ELF5: variants seen among roughly 807,000 people sequenced by gnomAD.
The protein encoded by ELF5 is ETS-related transcription factor Elf-5.
In ELF5, 31 loss-of-function variants were observed where a neutral mutation model predicts 38.2. That is an observed-to-expected ratio of 0.81 (90% CI 0.61 to 1.10). ELF5 has a LOEUF of 1.10. Among genes scored for constraint, ELF5 ranks in the 50% least tolerant of loss-of-function variants. ELF5 has a pLI of 0.00. For synonymous variants in ELF5, 121 were observed against 112.5 expected, an observed-to-expected ratio of 1.08 and a Z score of -0.48; for missense variants, 300 against 306.6, an observed-to-expected ratio of 0.98 and a Z score of 0.16.
At chr11:34,500,658 A>C (rs1289507285) in intron 2 of ELF5, among the ~76,000 whole-genome samples, 1 of 152,254 alleles carries the variant, frequency 6.6e-6, no homozygotes, top group Non-Finnish European at 1.5e-5. Flanking sequence ...GGTGGCCAAC[A>C]GTGAGTCCTC....
At chr11:34,494,924 T>G (rs755914117) in intron 2 of ELF5, among the ~76,000 whole-genome samples, 4 of 152,276 alleles carry the variant, frequency 2.6e-5, no homozygotes, top group Admixed American at 2.0e-4. Context: ...ATTTAAATGC[T>G]ATTACAAACA....
chr11:34,505,065 T>A (rs1850578037), intron 2 of ELF5, among the ~76,000 whole-genome samples: 1 of 152,196 alleles, frequency 6.6e-6, no homozygotes, highest in South Asian at 2.1e-4. Context: ...TGATATCAAT[T>A]ATAAGATGGG....
At chr11:34,511,305 T>C (rs751853052) in intron 1 of ELF5, among the ~76,000 whole-genome samples, 17 of 152,200 alleles carry the variant, frequency 1.1e-4, no homozygotes, top group Non-Finnish European at 2.4e-4. Flanking sequence ...TCTACCCCAG[T>C]TGGAGGTAGA....
intron 1 of ELF5, among the ~76,000 whole-genome samples, chr11:34,509,794 A>G (rs915028541): frequency 2.6e-5 from 4 of 152,296 alleles, no homozygotes; most frequent in African/African-American, 9.6e-5. Context: ...TCAGAAAACT[A>G]AAGAAGAGGA....
At chr11:34,511,011 C>T (rs1295036239) in intron 1 of ELF5, among the ~76,000 whole-genome samples, 3 of 152,110 alleles carry the variant, frequency 2.0e-5, no homozygotes, top group Non-Finnish European at 2.9e-5. Flanking sequence ...TTGCCCCTCT[C>T]CAAATCTCAG....
chr11:34,485,511 T>C (rs1441651275), intron 4 of ELF5, among the ~76,000 whole-genome samples: 1 of 152,220 alleles, frequency 6.6e-6, no homozygotes, highest in African/African-American at 2.4e-5. Flanking sequence ...AATGCCAAAA[T>C]GGCAAGAAGT....
chr11:34,507,178 C>T (rs1370841335), intron 1 of ELF5, among the ~76,000 whole-genome samples: 1 of 152,234 alleles, frequency 6.6e-6, no homozygotes, highest in African/African-American at 2.4e-5. Flanking sequence ...ACTATCTCGC[C>T]TTCCTAAATC....
intron 2 of ELF5, among the ~76,000 whole-genome samples, chr11:34,503,123 A>G (rs1187713257): frequency 1.3e-5 from 2 of 152,190 alleles, no homozygotes; most frequent in Non-Finnish European, 2.9e-5. Flanking sequence ...CATCAGTGCT[A>G]TTCACTTCCA....
At chr11:34,499,815 G>A (rs1408671488) in intron 2 of ELF5, among the ~76,000 whole-genome samples, 2 of 152,222 alleles carry the variant, frequency 1.3e-5, no homozygotes, top group African/African-American at 4.8e-5. Context: ...AGGGTTGGGT[G>A]TGGCAACTGA....
At chr11:34,498,193 A>G (rs1158709528) in intron 2 of ELF5, among the ~76,000 whole-genome samples, 1 of 152,192 alleles carries the variant, frequency 6.6e-6, no homozygotes, top group African/African-American at 2.4e-5. Context: ...CTGGGCTATT[A>G]AAAGGATTAT....
At chr11:34,509,949 T>C (rs1013091271) in intron 1 of ELF5, among the ~76,000 whole-genome samples, 6 of 152,196 alleles carry the variant, frequency 3.9e-5, no homozygotes, top group African/African-American at 9.7e-5. Context: ...GAATGAGATC[T>C]TCCTCATCTA....
Position 34,513,701 on chromosome 11 carries a change from A to G in ELF5, c.-29T>C, listed in dbSNP as rs1330439794. ...CGTGAGGGCAGCGGTGGCTAGGTCC[A>G]AAGAGGAGGCTTTCAAGGCAAGAGA... On this transcript the variant is annotated 5_prime_UTR_variant, in exon 1 of 7. Coordinates refer to ENST00000257832, the MANE Select transcript of ELF5 (RefSeq NM_001422.4). The G allele has an allele frequency of 1.3e-5, 2 of 152,442 alleles. No homozygotes were observed. Among genetic ancestry groups the G allele is most frequent in the Non-Finnish European group, 1.5e-5 (1 of 68,208 alleles). The allele number at this position is 152,442 out of a possible 1,614,324, so 9.4% of individuals were successfully genotyped here.
At chr11:34,481,963 C>T (rs975355296) in intron 5 of ELF5, among the ~76,000 whole-genome samples, 1 of 152,236 alleles carries the variant, frequency 6.6e-6, no homozygotes, top group Non-Finnish European at 1.5e-5. Flanking sequence ...CTTGACACTG[C>T]TCTGGGCCGA....
intron 2 of ELF5, among the ~76,000 whole-genome samples, chr11:34,500,475 T>A (rs181087888): frequency 2.6e-5 from 4 of 152,332 alleles, no homozygotes; most frequent in South Asian, 4.1e-4. Context: ...GATGGAAAAG[T>A]TAAGTCCAGT....
intron 1 of ELF5, chr11:34,511,811 G>T: frequency 1.9e-6 from 1 of 537,774 alleles, no homozygotes; most frequent in South Asian, 2.4e-5. Context: ...TGGCCAGTTT[G>T]CCAGAGGAGG....
chr11:34,491,917 G>A (rs1850184704), intron 3 of ELF5: 1 of 152,266 alleles, frequency 6.6e-6, no homozygotes, highest in Non-Finnish European at 1.5e-5. Context: ...TGCAACCATT[G>A]CCAGGGAAGA....
intron 2 of ELF5, among the ~76,000 whole-genome samples, chr11:34,500,685 G>A (rs1365487190): frequency 2.0e-5 from 3 of 152,238 alleles, no homozygotes; most frequent in Non-Finnish European, 4.4e-5. Flanking sequence ...TGTGGGCGCT[G>A]CCACAGGGCT....
chr11:34,507,120 G>C (rs1265117847), intron 1 of ELF5, among the ~76,000 whole-genome samples: 1 of 152,112 alleles, frequency 6.6e-6, no homozygotes, highest in Non-Finnish European at 1.5e-5. Context: ...TTAATGTTTA[G>C]AGCAAACCCT....
At chr11:34,500,523 G>C (rs1246490685) in intron 2 of ELF5, among the ~76,000 whole-genome samples, 2 of 152,226 alleles carry the variant, frequency 1.3e-5, no homozygotes, top group African/African-American at 4.8e-5. Flanking sequence ...CAGGAGAAGG[G>C]CTGGCTGCAA....
Sources: allele counts gnomAD v4.1 joint callset (sites outside exome capture counted in the v4.1 genomes callset), GRCh38; gene constraint gnomAD v4.1.1; transcripts MANE v1.5; gene names NCBI Gene and HGNC (gene_info 2026-07-23, HGNC 2026-07-21).